The following RMST variants were observed in gnomAD, a reference collection of about 807,000 sequenced individuals.
The protein encoded by RMST is rhabdomyosarcoma 2 associated transcript.
At chr12:97,517,579 T>G (rs1565929614) in intron 10 of RMST, among the ~76,000 whole-genome samples, 1 of 152,034 alleles carries the variant, frequency 6.6e-6, no homozygotes, top group Non-Finnish European at 1.5e-5. Context: ...TATAATTTGC[T>G]TGTTCAAATC....
At chr12:97,523,112 G>T (rs1017257107) in intron 10 of RMST, among the ~76,000 whole-genome samples, 1 of 152,128 alleles carries the variant, frequency 6.6e-6, no homozygotes, top group East Asian at 1.9e-4. Context: ...AAAGAGACAC[G>T]AGCATTTAGT....
intron 10 of RMST, among the ~76,000 whole-genome samples, chr12:97,509,830 A>G (rs1192863745): frequency 5.3e-5 from 8 of 152,188 alleles, no homozygotes; most frequent in African/African-American, 1.9e-4. Context: ...CTGTTGTGTG[A>G]TAGGCATTTT....
chr12:97,467,980 G>T (rs528826213), intron 5 of RMST, among the ~76,000 whole-genome samples: 3 of 151,934 alleles, frequency 2.0e-5, no homozygotes, highest in Admixed American at 1.3e-4. Context: ...CAGCTATCTT[G>T]GTTTATTTTC....
intron 11 of RMST, among the ~76,000 whole-genome samples, chr12:97,555,816 A>C (rs1883667217): frequency 6.6e-6 from 1 of 152,196 alleles, no homozygotes; most frequent in African/African-American, 2.4e-5. Flanking sequence ...ACCTTTTCAA[A>C]TTGCATCCAA....
intron 10 of RMST, among the ~76,000 whole-genome samples, chr12:97,505,040 G>A (rs1878514828): frequency 6.6e-6 from 1 of 152,092 alleles, no homozygotes; most frequent in South Asian, 2.1e-4. Flanking sequence ...CACTTTGCTA[G>A]TCATGGCTTA....
Position 97,550,124 on chromosome 12 carries a change from C to T in RMST, n.1546-10413C>T, listed in dbSNP as rs191439091. 5.2e-3 allele frequency among the ~76,000 whole-genome samples: 790 copies of T among 152,104 alleles called. 4 individuals carry two copies. The highest frequency in any genetic ancestry group is 0.011 in the Admixed American group (174 of 15,250). Reference sequence around the variant, plus strand: ...GTGTTCTAAATATTGTATTGACAGCCGTTAAAAATAAATATATAGCACTTT... The same window carrying T: ...GTGTTCTAAATATTGTATTGACAGCTGTTAAAAATAAATATATAGCACTTT... On this transcript the variant is annotated intron_variant and non_coding_transcript_variant, in intron 11 of 13. Coordinates refer to ENST00000640149, the Ensembl canonical transcript of RMST.
intron 10 of RMST, among the ~76,000 whole-genome samples, chr12:97,524,106 A>G (rs1390302902): frequency 6.8e-6 from 1 of 146,760 alleles, no homozygotes; most frequent in Non-Finnish European, 1.5e-5. Context: ...AAAAAAAATC[A>G]CATAACTGTA....
chr12:97,468,088 T>A (rs1873411990), intron 5 of RMST, among the ~76,000 whole-genome samples: 1 of 152,054 alleles, frequency 6.6e-6, no homozygotes, highest in East Asian at 1.9e-4. Flanking sequence ...TCTGAGTTAC[T>A]GTTCTACCTT....
At chr12:97,520,841 A>C in intron 10 of RMST, among the ~76,000 whole-genome samples, 1 of 152,198 alleles carries the variant, frequency 6.6e-6, no homozygotes, top group East Asian at 1.9e-4. Flanking sequence ...AAGGCATACA[A>C]CCTACACAGA....
In RMST at chr12:97,560,187, A is replaced by C. The variant is rs563397630; in HGVS notation, n.1546-350A>C. Among the ~76,000 whole-genome samples, 250 of 152,326 alleles carry C rather than the reference A, an allele frequency of 1.6e-3. 2 individuals carry two copies. Among genetic ancestry groups the C allele is most frequent in the Middle Eastern group, 6.8e-3 (2 of 294 alleles). On this transcript the variant is annotated intron_variant and non_coding_transcript_variant, in intron 11 of 13. Coordinates refer to ENST00000640149, the Ensembl canonical transcript of RMST. ...GAAAAAGAAGAAGAAGAAGAAGATC[A>C]ATCTGACATTGTAGGTTAATAGTAG...
chr12:97,464,414 C>A (rs1262861371), intron 4 of RMST, among the ~76,000 whole-genome samples: 1 of 152,150 alleles, frequency 6.6e-6, no homozygotes, highest in African/African-American at 2.4e-5. Context: ...TTTACAAGAT[C>A]CATTCGGAGC....
At chr12:97,538,529 C>G (rs148074363) in intron 11 of RMST, among the ~76,000 whole-genome samples, 1 of 151,328 alleles carries the variant, frequency 6.6e-6, no homozygotes, top group East Asian at 1.9e-4. Flanking sequence ...CTTTCCTTTC[C>G]CAAGAGGCTA....
At chr12:97,511,188 G>A (rs182641047) in intron 10 of RMST, among the ~76,000 whole-genome samples, 161 of 147,282 alleles carry the variant, frequency 1.1e-3, no homozygotes, top group Non-Finnish European at 1.7e-3. Flanking sequence ...TCGCTCTGTC[G>A]CCCAGGCTGG....
chr12:97,506,683 T>G (rs1878704050), intron 10 of RMST, among the ~76,000 whole-genome samples: 3 of 143,664 alleles, frequency 2.1e-5, no homozygotes, highest in Non-Finnish European at 3.0e-5. Flanking sequence ...CTGTTTTTTT[T>G]TTTTTTTTTT....
chr12:97,490,614 C>T (rs1419424293), intron 5 of RMST, among the ~76,000 whole-genome samples: 1 of 152,164 alleles, frequency 6.6e-6, no homozygotes, highest in African/African-American at 2.4e-5. Context: ...TCATTATCTT[C>T]ATGTCACTAA....
At chr12:97,519,828 T>C (rs1880328025) in intron 10 of RMST, among the ~76,000 whole-genome samples, 3 of 152,212 alleles carry the variant, frequency 2.0e-5, no homozygotes, top group Admixed American at 2.0e-4. Flanking sequence ...AATGTGGCAA[T>C]GTGTTCATAA....
At chr12:97,468,094 A>G (rs994467257) in intron 5 of RMST, among the ~76,000 whole-genome samples, 1 of 151,900 alleles carries the variant, frequency 6.6e-6, no homozygotes, top group Non-Finnish European at 1.5e-5. Context: ...TTACTGTTCT[A>G]CCTTGTTGGC....
intron 11 of RMST, among the ~76,000 whole-genome samples, chr12:97,558,681 A>G (rs1380566062): frequency 6.6e-6 from 1 of 152,116 alleles, no homozygotes. Flanking sequence ...ATGTTAGCTC[A>G]ATGGAGATAT....
intron 5 of RMST, among the ~76,000 whole-genome samples, chr12:97,483,157 GGTT>G (rs1378468931): frequency 6.6e-6 from 1 of 152,088 alleles, no homozygotes; most frequent in Non-Finnish European, 1.5e-5. Context: ...TTATTTCAAA[GGTT>G]CCCATATTAG....
Sources: gnomAD v4.1 joint callset for allele counts (sites outside exome capture counted in the v4.1 genomes callset) on GRCh38, gnomAD v4.1.1 for gene constraint, MANE v1.5 for transcripts, NCBI Gene and HGNC (gene_info 2026-07-23, HGNC 2026-07-21) for gene names.